MAPKAPK2: variants seen among roughly 807,000 people sequenced by gnomAD.
The protein encoded by MAPKAPK2 is MAP kinase-activated protein kinase 2.
In MAPKAPK2, 9 loss-of-function variants were observed where a neutral mutation model predicts 48.8. That is an observed-to-expected ratio of 0.18 (90% CI 0.11 to 0.32). The LOEUF is 0.32. Among genes scored for constraint, MAPKAPK2 ranks in the 10% least tolerant of loss-of-function variants. MAPKAPK2 has a pLI of 1.00. For missense variants in MAPKAPK2, 331 were observed against 498.3 expected, an observed-to-expected ratio of 0.66 and a Z score of 3.20; for synonymous variants, 202 against 190.6, an observed-to-expected ratio of 1.06 and a Z score of -0.49.
chr1:206,685,292 G>A lies in MAPKAPK2; in HGVS notation c.63G>A (p.Pro21=). The part of the protein sequence containing the change: ...PVPFPAPAPP[P]QPPTPALPHP... ...CGTTCCCCGCCCCGGCCCCGCCGCC[G>A]CAGCCCCCCACCCCTGCCCTGCCGC... Residue 21 remains proline (P), a synonymous_variant, in exon 1 of 10, where the codon CCG becomes CCA. Transcript: ENST00000367103. 1.4e-5 allele frequency: 3 copies of A among 214,340 alleles called. No individual in the cohort carries two copies. Among genetic ancestry groups the A allele is most frequent in the South Asian group, 6.3e-5 (1 of 15,840 alleles). The allele number at this position is 214,340 out of a possible 1,614,324, so 13.3% of individuals were successfully genotyped here.
At chr1:206,721,957 C>T (rs971664219) in intron 1 of MAPKAPK2, among the ~76,000 whole-genome samples, 9 of 151,776 alleles carry the variant, frequency 5.9e-5, no homozygotes, top group African/African-American at 2.2e-4. Flanking sequence ...CCCAGCTACT[C>T]GGGAGGCAGA....
At chr1:206,723,799 G>C (rs1345317008) in intron 1 of MAPKAPK2, among the ~76,000 whole-genome samples, 1 of 152,188 alleles carries the variant, frequency 6.6e-6, no homozygotes, top group East Asian at 1.9e-4. Context: ...GAGAGGCATG[G>C]GACTGTATTT....
chr1:206,731,039 C>T lies in MAPKAPK2; in HGVS notation c.768-99C>T. The T allele has an allele frequency of 6.6e-7, 1 of 1,513,138 alleles. No individual in the cohort carries two copies. The highest frequency in any genetic ancestry group is 9.2e-7 in the Non-Finnish European group (1 of 1,091,488). 93.7% of individuals were successfully genotyped at this position (1,513,138 alleles called of 1,614,324 possible). On this transcript the variant is annotated intron_variant, in intron 6 of 9. Coordinates refer to ENST00000367103, the MANE Select transcript of MAPKAPK2 (RefSeq NM_032960.4). This position sits in a 1 kb window ranked among gnomAD's most constrained non-coding sequence, Gnocchi z 5.9. Reference sequence around the variant, plus strand: ...CAATAAGCCCTGATTTCTCTGTGACCTTTACAAGGAGAAGAGCCTGTTTCT... The same window carrying T: ...CAATAAGCCCTGATTTCTCTGTGACTTTTACAAGGAGAAGAGCCTGTTTCT...
chr1:206,685,235 G>T lies in MAPKAPK2; in HGVS notation c.6G>T (p.Leu2=). M[L]SNSQGQSPPV... is the part of the protein sequence containing the mutation. ...CCCCGGCGTCCCCGGGCACCATGCTGTCCAACTCCCAGGGCCAGAGCCCGC... is the reference window on the plus strand; with the variant it reads ...CCCCGGCGTCCCCGGGCACCATGCTTTCCAACTCCCAGGGCCAGAGCCCGC... Residue 2 remains leucine, a synonymous_variant, in exon 1 of 10, where the codon CTG becomes CTT. Transcript: ENST00000367103. 1 of 523,236 alleles carries T rather than the reference G, an allele frequency of 1.9e-6. No individual in the cohort carries two copies. Among genetic ancestry groups the T allele is most frequent in the Non-Finnish European group, 3.0e-6 (1 of 337,234 alleles). The allele number at this position is 523,236 out of a possible 1,614,324, so 32.4% of individuals were successfully genotyped here. A position where few individuals can be genotyped will look rare whatever the true frequency, so the allele number is the denominator to read the frequency against.
intron 1 of MAPKAPK2, among the ~76,000 whole-genome samples, chr1:206,727,783 G>A (rs564527162): frequency 5.0e-4 from 76 of 152,282 alleles, no homozygotes; most frequent in African/African-American, 1.7e-3. Context: ...CACCATGCCT[G>A]GCTAATTTTT....
At position 206,685,291 on chromosome 1, in the gene MAPKAPK2, C is replaced by CCCCG; in HGVS notation, c.62_63insCCCG (p.Gln22ProfsTer42). The CCCCG allele has an allele frequency of 5.5e-6, 3 of 542,680 alleles. No individual in the cohort carries two copies. Among genetic ancestry groups the CCCCG allele is most frequent in the Non-Finnish European group, 8.5e-6 (3 of 351,796 alleles). The allele number at this position is 542,680 out of a possible 1,614,324, so 33.6% of individuals were successfully genotyped here. On this transcript the variant is annotated frameshift_variant, in exon 1 of 10. Transcript: ENST00000367103. LOFTEE classifies it high-confidence loss of function. Reference sequence around the variant, plus strand: ...CCGTTCCCCGCCCCGGCCCCGCCGCCGCAGCCCCCCACCCCTGCCCTGCCG... The same window carrying CCCCG: ...CCGTTCCCCGCCCCGGCCCCGCCGCCCCCGGCAGCCCCCCACCCCTGCCCTGCCG...
At chr1:206,708,595 A>G (rs1222806726) in intron 1 of MAPKAPK2, among the ~76,000 whole-genome samples, 1 of 152,164 alleles carries the variant, frequency 6.6e-6, no homozygotes, top group East Asian at 1.9e-4. Context: ...TGAGTTCAAT[A>G]TTTGTTCATG....
In MAPKAPK2 at chr1:206,711,244, T is replaced by G. The variant is rs6684390; in HGVS notation, c.280-17466T>G. On this transcript the variant is annotated intron_variant, in intron 1 of 9. Coordinates refer to ENST00000367103, the MANE Select transcript of MAPKAPK2 (RefSeq NM_032960.4). The stretch of plus-strand genomic sequence containing the variant: ...AACTTGCTTTTTTCATGGAAGTTTT[T>G]TTTGTTTGTTTGTTTGTTTGTTTTT... Among the ~76,000 whole-genome samples, 911 of 152,320 alleles carry G rather than the reference T, an allele frequency of 6.0e-3. 7 individuals are homozygous for G. Among genetic ancestry groups the G allele is most frequent in the African/African-American group, 0.019 (796 of 41,562 alleles).
In MAPKAPK2 at chr1:206,732,161, A is replaced by G. The variant is rs1673936260; in HGVS notation, c.1059+242A>G. On this transcript the variant is annotated intron_variant, in intron 9 of 9. Coordinates refer to ENST00000367103, the MANE Select transcript of MAPKAPK2 (RefSeq NM_032960.4). The surrounding 1 kb of genome is among the most constrained non-coding windows in gnomAD (Gnocchi z 4.4). ...GAATCCTTTTATTCCCTGGGTCTCT[A>G]ATGGGACCTTAAAGACCATCTGGTA... 2 of 1,610,564 alleles carry G rather than the reference A, an allele frequency of 1.2e-6. No individual in the cohort carries two copies.
intron 1 of MAPKAPK2, among the ~76,000 whole-genome samples, chr1:206,707,774 C>T (rs1553428826): frequency 6.6e-6 from 1 of 152,178 alleles, no homozygotes; most frequent in African/African-American, 2.4e-5. Context: ...GGCTAAACTA[C>T]AAAGTGGACA....
chr1:206,717,192 C>G (rs1673361701), intron 1 of MAPKAPK2, among the ~76,000 whole-genome samples: 1 of 152,314 alleles, frequency 6.6e-6, no homozygotes, highest in Non-Finnish European at 1.5e-5. Flanking sequence ...GCTTTATTAC[C>G]TACTAGCCAT....
intron 1 of MAPKAPK2, among the ~76,000 whole-genome samples, chr1:206,723,967 T>A (rs552038106): frequency 5.9e-5 from 9 of 152,366 alleles, no homozygotes; most frequent in African/African-American, 1.9e-4. Context: ...TTTCTACGTG[T>A]AAGAGAATTT....
chr1:206,710,842 G>A (rs908728258), intron 1 of MAPKAPK2, among the ~76,000 whole-genome samples: 5 of 152,238 alleles, frequency 3.3e-5, no homozygotes, highest in Non-Finnish European at 7.3e-5. Context: ...AAGAAGGCAA[G>A]TGCTGTTCAA....
intron 1 of MAPKAPK2, among the ~76,000 whole-genome samples, chr1:206,714,056 A>G (rs1411454254): frequency 6.6e-6 from 1 of 152,138 alleles, no homozygotes; most frequent in East Asian, 1.9e-4. Context: ...TAGTGATGTC[A>G]TTGCCGTTTA....
chr1:206,721,299 A>C (rs187224371), intron 1 of MAPKAPK2, among the ~76,000 whole-genome samples: 128 of 152,356 alleles, frequency 8.4e-4, no homozygotes, highest in African/African-American at 3.0e-3. Context: ...AGCTTGTACC[A>C]GCTGCAGAAC....
Position 206,732,897 on chromosome 1 carries a change from G to C in MAPKAPK2, c.*179G>C. 5.8e-6 allele frequency: 4 copies of C among 695,378 alleles called. No homozygotes were observed. The allele number at this position is 695,378 out of a possible 1,614,324, so 43.1% of individuals were successfully genotyped here. ...TTCTGGCCACCCCAGAGTGGGAGAG[G>C]CTGGGAGGTTGGGAGGCTGTGGAGA... is the stretch of plus-strand genomic sequence containing the variant. On this transcript the variant is annotated 3_prime_UTR_variant, in exon 10 of 10. Coordinates refer to ENST00000367103, the MANE Select transcript of MAPKAPK2 (RefSeq NM_032960.4). This position sits in a 1 kb window ranked among gnomAD's most constrained non-coding sequence, Gnocchi z 4.4.
intron 1 of MAPKAPK2, chr1:206,696,195 C>G: frequency 6.6e-7 from 1 of 1,525,772 alleles, no homozygotes; most frequent in Non-Finnish European, 9.1e-7. Flanking sequence ...CAAATACATT[C>G]TCTCCTTCAG....
intron 1 of MAPKAPK2, among the ~76,000 whole-genome samples, chr1:206,728,035 C>T (rs1369815236): frequency 6.6e-6 from 1 of 152,166 alleles, no homozygotes; most frequent in Non-Finnish European, 1.5e-5. Flanking sequence ...AAGATTGAAC[C>T]CCTGAGGCTG....
At chr1:206,686,484 C>A (rs1398846382) in intron 1 of MAPKAPK2, among the ~76,000 whole-genome samples, 1 of 152,132 alleles carries the variant, frequency 6.6e-6, no homozygotes, top group South Asian at 2.1e-4. Context: ...AAGTGTGAGC[C>A]GGTCTTGCAG....
Sources: allele counts gnomAD v4.1 joint callset (sites outside exome capture counted in the v4.1 genomes callset), GRCh38; gene constraint gnomAD v4.1.1; non-coding constraint Gnocchi (gnomAD v3.1); transcripts MANE v1.5; gene names NCBI Gene and HGNC (gene_info 2026-07-23, HGNC 2026-07-21).